The following DCHS2 variants were observed in gnomAD, a reference collection of about 807,000 sequenced individuals.
DCHS2 encodes the protein protocadherin-23.
A neutral mutation model predicts 182.4 loss-of-function variants in DCHS2; 142 were observed. That is an observed-to-expected ratio of 0.78 (90% CI 0.68 to 0.89). The LOEUF is 0.89. Ranked by LOEUF, DCHS2 falls within the 40% of genes least tolerant of loss-of-function variation. The pLI, the probability that DCHS2 is intolerant of heterozygous loss-of-function variation, is 0.00. For missense variants in DCHS2, 4,319 were observed against 4,198.6 expected (o/e 1.03, Z -0.79); for synonymous variants, 1,740 against 1,663.3 (o/e 1.05, Z -1.12).
At chr4:154,481,590 AT>A (rs1356507785) in intron 1 of DCHS2, among the ~76,000 whole-genome samples, 1 of 152,128 alleles carries the variant, frequency 6.6e-6, no homozygotes, top group Non-Finnish European at 1.5e-5. Context: ...TCTTAGCTCC[AT>A]AGTTTAATCA....
chr4:154,477,293 C>G (rs6536012), intron 1 of DCHS2, among the ~76,000 whole-genome samples: 110,881 of 151,992 alleles, frequency 0.73, 41,162 homozygotes, highest in East Asian at 0.85. Flanking sequence ...CATGCAGATG[C>G]AACCCTCATA....
intron 1 of DCHS2, among the ~76,000 whole-genome samples, chr4:154,470,781 G>C (rs1006044117): frequency 1.3e-5 from 2 of 152,124 alleles, no homozygotes; most frequent in African/African-American, 4.8e-5. Flanking sequence ...CCCAAAGAAA[G>C]AATTCATGAA....
chr4:154,259,498 A>C (rs763079060), intron 15 of DCHS2, 47 bp downstream of exon 15: 2 of 1,565,792 alleles, frequency 1.3e-6, no homozygotes, highest in South Asian at 1.2e-5. Flanking sequence ...ACACAGACAC[A>C]CCCACACACA....
At chr4:154,489,265 C>G (rs1439814856) in intron 1 of DCHS2, 39 bp downstream of exon 1, 1 of 1,446,278 alleles carries the variant, frequency 6.9e-7, no homozygotes, top group South Asian at 1.5e-5. Flanking sequence ...CCATCCCTTC[C>G]CAAGCCTTCA....
chr4:154,242,871 G>A, intron 16 of DCHS2, 99 bp from the exon 17 acceptor site: 1 of 1,391,678 alleles, frequency 7.2e-7, no homozygotes, highest in South Asian at 1.7e-5. Flanking sequence ...AAAATGAGCT[G>A]ACTAGCTACT....
chr4:154,372,398 T>C (rs1447108462), intron 2 of DCHS2, among the ~76,000 whole-genome samples: 3 of 152,252 alleles, frequency 2.0e-5, no homozygotes, highest in African/African-American at 7.2e-5. Flanking sequence ...ACAACTTCAG[T>C]AGCCAACTTT....
chr4:154,488,904 G>A (rs1246465046), intron 1 of DCHS2, among the ~76,000 whole-genome samples: 6 of 59,892 alleles, frequency 1.0e-4, no homozygotes, highest in Non-Finnish European at 3.1e-4. Context: ...GTGTGTGTCT[G>A]TGTGTGTGTG....
At chr4:154,327,033 TTC>T (rs1481239994) in intron 7 of DCHS2, among the ~76,000 whole-genome samples, 1 of 152,214 alleles carries the variant, frequency 6.6e-6, no homozygotes, top group Non-Finnish European at 1.5e-5. Context: ...TTTCATTTCA[TTC>T]TTTTATGTCC....
intron 3 of DCHS2, among the ~76,000 whole-genome samples, chr4:154,356,629 G>T (rs997137303): frequency 5.9e-5 from 9 of 152,042 alleles, no homozygotes; most frequent in African/African-American, 2.2e-4. Flanking sequence ...ACTATGTTTA[G>T]ATATACAAAT....
Position 154,304,847 on chromosome 4 carries a change from C to T in DCHS2, c.5427G>A (p.Leu1809=), listed in dbSNP as rs569086441. ...VLVRDGGFPS[L]SSTTTILCTV... The stretch of plus-strand genomic sequence containing the variant: ...TGCAGAGGATTGTTGTGGTGCTGGA[C>T]AATGAAGGGAATCCCCCATCTCGTA... Residue 1809 remains leucine, a synonymous_variant, in exon 12 of 20, where the codon TTG becomes TTA. Coordinates refer to ENST00000357232, the MANE Select transcript of DCHS2 (RefSeq NM_001358235.2). 22 of 1,613,026 alleles carry T rather than the reference C, an allele frequency of 1.4e-5. No homozygotes were observed. The South Asian group carries it at 2.2e-4, about 16-fold the overall frequency.
chr4:154,362,794 C>T (rs539664779), intron 3 of DCHS2, among the ~76,000 whole-genome samples: 1 of 152,208 alleles, frequency 6.6e-6, no homozygotes, highest in South Asian at 2.1e-4. Flanking sequence ...GGATGAAGAC[C>T]TTTACTTAAT....
At chr4:154,241,002 C>T (rs3811737) in intron 17 of DCHS2, among the ~76,000 whole-genome samples, 179 bp from the exon 18 acceptor site, 117,395 of 152,142 alleles carry the variant, frequency 0.77, 48,953 homozygotes, top group South Asian at 0.94. Context: ...ATTTATGAGA[C>T]CAATAAAAGT....
intron 10 of DCHS2, among the ~76,000 whole-genome samples, chr4:154,311,450 G>T (rs1204419872): frequency 6.6e-6 from 1 of 151,510 alleles, no homozygotes; most frequent in South Asian, 2.1e-4. Context: ...GCCCAAGCTG[G>T]TCTTGAACTC....
intron 10 of DCHS2, among the ~76,000 whole-genome samples, chr4:154,315,502 T>G (rs533709465): frequency 6.6e-6 from 1 of 152,222 alleles, no homozygotes; most frequent in Non-Finnish European, 1.5e-5. Context: ...AAGTGTATGT[T>G]AATAAGGTGT....
intron 1 of DCHS2, among the ~76,000 whole-genome samples, chr4:154,388,629 G>A (rs1731527394): frequency 6.6e-6 from 1 of 151,552 alleles, no homozygotes; most frequent in African/African-American, 2.4e-5. Flanking sequence ...TGAGTAGCTG[G>A]GATTACAGGC....
chr4:154,318,549 T>C (rs951745134), intron 9 of DCHS2, among the ~76,000 whole-genome samples: 51 of 152,008 alleles, frequency 3.4e-4, no homozygotes, highest in African/African-American at 1.2e-3. Flanking sequence ...TGCATTTCTA[T>C]ACACTAACAA....
rs6858712 is a variant in DCHS2 at position 154,335,053 on chromosome 4, G to A, written c.2528C>T (p.Ser843Leu). The change falls in exon 4 of 20, where the codon TCG becomes TTG. Residue 843 changes from serine (S) to leucine (L), a missense_variant. Ser to Leu is a moderately radical substitution (Grantham distance 145, BLOSUM62 -2). Coordinates refer to ENST00000357232, the MANE Select transcript of DCHS2 (RefSeq NM_001358235.2). ...ACCGTCTTGAGCAGAGACCATCAAC[G>A]AAAGTGTGGTAGATTCCAAATGACT... ...PLSHLESTTL[S>L]LMVSAQDGGG... The A allele has an allele frequency of 1, 1,609,875 of 1,613,952 alleles. 802,972 individuals carry two copies. The highest frequency in any genetic ancestry group is 1 in the East Asian group (44,880 of 44,880).
intron 3 of DCHS2, among the ~76,000 whole-genome samples, chr4:154,359,555 C>G (rs544782575): frequency 3.7e-4 from 57 of 152,100 alleles, no homozygotes; most frequent in African/African-American, 1.3e-3. Context: ...CTCTCACAAA[C>G]AGATACAAAC....
chr4:154,482,130 C>CA (rs1383285546), intron 1 of DCHS2, among the ~76,000 whole-genome samples: 3 of 152,146 alleles, frequency 2.0e-5, no homozygotes, highest in Non-Finnish European at 4.4e-5. Context: ...AAAAACCATC[C>CA]AGTAAAAAGT....
Sources: allele counts gnomAD v4.1 joint callset (sites outside exome capture counted in the v4.1 genomes callset), GRCh38; gene constraint gnomAD v4.1.1; transcripts MANE v1.5; gene names NCBI Gene and HGNC (gene_info 2026-07-23, HGNC 2026-07-21).